Variants in NUP153 observed in about 807,000 individuals in gnomAD.
The protein encoded by NUP153 is nuclear pore complex protein Nup153.
In NUP153, 27 loss-of-function variants were observed where a neutral mutation model predicts 134.6. The observed-to-expected ratio is 0.20, with a 90% confidence interval of 0.15 to 0.28. NUP153 has a LOEUF of 0.28. Among genes scored for constraint, NUP153 ranks in the 10% least tolerant of loss-of-function variants. The probability of loss-of-function intolerance (pLI) is 1.00; values close to 1 mark genes in which losing one functional copy is unlikely to be tolerated. For synonymous variants in NUP153, 640 were observed against 623.5 expected, an observed-to-expected ratio of 1.03 and a Z score of -0.40; for missense variants, 1,821 against 1,731.3, an observed-to-expected ratio of 1.05 and a Z score of -0.92.
chr6:17,678,217 A>G (rs997633479), intron 2 of NUP153, among the ~76,000 whole-genome samples: 3 of 151,770 alleles, frequency 2.0e-5, no homozygotes, highest in African/African-American at 4.8e-5. Flanking sequence ...TTACCCGGGC[A>G]TGGTGGCACA....
intron 2 of NUP153, among the ~76,000 whole-genome samples, chr6:17,681,581 TCAAAA>T (rs1032027107): frequency 1.1e-4 from 16 of 152,006 alleles, no homozygotes; most frequent in African/African-American, 3.4e-4. Flanking sequence ...AGAACCTGTC[TCAAAA>T]CAAAACAAAA....
rs1041870666 is a variant in NUP153 at position 17,652,622 on chromosome 6, T to C, written c.1396-3322A>G. On this transcript the variant is annotated intron_variant, in intron 11 of 21. Transcript: ENST00000262077. ...AACATCTGCCAATCAAAAGATATCA[T>C]TAAGAAAATGAGTAGGCAAGCAACA... Among the ~76,000 whole-genome samples, 38 of 152,092 alleles carry C rather than the reference T, an allele frequency of 2.5e-4. 1 individual carries two copies. The highest frequency in any genetic ancestry group is 2.4e-4 in the Non-Finnish European group (16 of 68,014).
Position 17,680,137 on chromosome 6 carries a change from T to C in NUP153, c.335-4367A>G, listed in dbSNP as rs1021983747. ...TTGAGCCTCACCTCCACTGTTTCCC[T>C]TGCGCTCAAGCACAAGCCCTGAAAT... is the stretch of plus-strand genomic sequence containing the variant. On this transcript the variant is annotated intron_variant, in intron 2 of 21. Coordinates refer to ENST00000262077, the MANE Select transcript of NUP153 (RefSeq NM_005124.4). This position sits in a 1 kb window ranked among gnomAD's most constrained non-coding sequence, Gnocchi z 4.5. 6.6e-6 allele frequency among the ~76,000 whole-genome samples: 1 copy of C among 152,148 alleles called. No individual in the cohort carries two copies. Among genetic ancestry groups the C allele is most frequent in the Non-Finnish European group, 1.5e-5 (1 of 68,020 alleles).
chr6:17,670,513 C>T (rs891374644), intron 5 of NUP153, among the ~76,000 whole-genome samples: 1 of 152,162 alleles, frequency 6.6e-6, no homozygotes, highest in Non-Finnish European at 1.5e-5. Flanking sequence ...AATACCCTTT[C>T]CAATCTGCAT....
intron 8 of NUP153, 110 bp from the exon 9 acceptor site, chr6:17,665,495 G>T (rs1432390137): frequency 2.9e-5 from 23 of 783,248 alleles, no homozygotes; most frequent in Non-Finnish European, 4.5e-5. Flanking sequence ...ATTTCCCAGA[G>T]AAATATACAG....
intron 5 of NUP153, 144 bp from the exon 6 acceptor site, chr6:17,669,690 T>C (rs1350433942): frequency 4.1e-5 from 26 of 627,320 alleles, no homozygotes; most frequent in Non-Finnish European, 7.1e-5. Flanking sequence ...TTGGGTGGTA[T>C]CATTAAAAGT....
rs184753182 is a variant in NUP153, at chr6:17,631,036, G to C, written c.2660-1497C>G. On this transcript the variant is annotated intron_variant, in intron 17 of 21. Coordinates refer to ENST00000262077, the MANE Select transcript of NUP153 (RefSeq NM_005124.4). Reference sequence around the variant, plus strand: ...GCATGAATTAACAGCTACAGAAAGAGATAAAATGAACCAGAAAGCACAAAC... The same window carrying C: ...GCATGAATTAACAGCTACAGAAAGACATAAAATGAACCAGAAAGCACAAAC... Among the ~76,000 whole-genome samples the C allele has an allele frequency of 2.0e-5, 3 of 152,284 alleles. No homozygotes were observed. The East Asian group carries it at 5.8e-4, about 29-fold the overall frequency.
At position 17,692,932 on chromosome 6, in the gene NUP153, G is replaced by GA. The variant is rs575995485; in HGVS notation, c.112-4315dup. On this transcript the variant is annotated intron_variant, in intron 1 of 21. Transcript: ENST00000262077. ...GAAAGGCTTAATCTTCAGTTATCTA[G>GA]AAAAAATATACATGTGGAGCACTAG... Among the ~76,000 whole-genome samples, 78 of 152,170 alleles carry GA rather than the reference G, an allele frequency of 5.1e-4. No individual in the cohort carries two copies. In the East Asian group the frequency reaches 0.011, roughly 22 times the overall value.
intron 1 of NUP153, among the ~76,000 whole-genome samples, chr6:17,699,481 CAAAAAA>C (rs147055009): frequency 1.0e-5 from 1 of 97,562 alleles, no homozygotes; most frequent in Admixed American, 1.1e-4. Flanking sequence ...AGACTCGTCT[CAAAAAA>C]AAAAAAAAAA....
intron 1 of NUP153, among the ~76,000 whole-genome samples, chr6:17,705,879 C>T (rs978639826): frequency 6.6e-6 from 1 of 152,028 alleles, no homozygotes; most frequent in Non-Finnish European, 1.5e-5. Flanking sequence ...CACCAGAAAA[C>T]AGCAAGTATA....
Position 17,665,245 on chromosome 6 carries a change from C to A in NUP153, c.1209G>T (p.Lys403Asn), listed in dbSNP as rs1767456290. 2.5e-6 allele frequency: 4 copies of A among 1,602,608 alleles called. No homozygotes were observed. The African/African-American group carries it at 4.0e-5, about 16-fold the overall frequency. Residue 403 changes from lysine (K) to asparagine (N), a missense_variant, in exon 9 of 22, where the codon AAG becomes AAT. Transcript: ENST00000262077. ...FRKTNQRIDN[K>N]CSTGYEKNMT... ...GAAATATACATATACTCACACTGCA[C>A]TTGTTATCTATTCTTTGATTAGTCT... is the stretch of plus-strand genomic sequence containing the variant.
rs2113772771 is a variant in NUP153, at chr6:17,629,222, C to T, written c.2977G>A (p.Val993Ile). The T allele has an allele frequency of 6.2e-7, 1 of 1,613,586 alleles. No individual in the cohort carries two copies. Among genetic ancestry groups the T allele is most frequent in the East Asian group, 2.2e-5 (1 of 44,886 alleles). Residue 993 changes from valine to isoleucine, a missense_variant, in exon 18 of 22, where the codon GTT becomes ATT. By Grantham distance (29) the Val-to-Ile change is conservative. Transcript: ENST00000262077. Reference protein sequence around the residue: ...FGLSSGLSNPVSLTPFQFGVS... With the variant: ...FGLSSGLSNPISLTPFQFGVS... Reference sequence around the variant, plus strand: ...CCAAATTGAAATGGAGTTAAAGAAACTGGGTTGCTTAAACCAGAAGAAAGT... The same window carrying T: ...CCAAATTGAAATGGAGTTAAAGAAATTGGGTTGCTTAAACCAGAAGAAAGT...
chr6:17,639,426 C>T (rs1334176991), intron 15 of NUP153, among the ~76,000 whole-genome samples: 1 of 152,152 alleles, frequency 6.6e-6, no homozygotes, highest in African/African-American at 2.4e-5. Context: ...TATGAACATC[C>T]TGTTTTCAAA....
chr6:17,670,881 G>C (rs921800454), intron 5 of NUP153, among the ~76,000 whole-genome samples: 15 of 151,930 alleles, frequency 9.9e-5, no homozygotes, highest in African/African-American at 3.6e-4. Flanking sequence ...CACAATCTCG[G>C]CTCACTGCAA....
chr6:17,615,928 G>A lies in NUP153; in HGVS notation c.*169C>T, dbSNP rs973479866. Reference sequence around the variant, plus strand: ...TATTTATTTATTTAAAAAAGGGTGGGTGAGGCAGGGTGGGGCTTCTGTAAC... The same window carrying A: ...TATTTATTTATTTAAAAAAGGGTGGATGAGGCAGGGTGGGGCTTCTGTAAC... On this transcript the variant is annotated 3_prime_UTR_variant, in exon 22 of 22. Transcript: ENST00000262077. This position sits in a 1 kb window ranked among gnomAD's most constrained non-coding sequence, Gnocchi z 5.7. 27 of 516,466 alleles carry A rather than the reference G, an allele frequency of 5.2e-5. No homozygotes were observed. Among genetic ancestry groups the A allele is most frequent in the Middle Eastern group, 5.0e-4 (1 of 2,012 alleles). The allele number at this position is 516,466 out of a possible 1,614,324, so 32.0% of individuals were successfully genotyped here.
intron 2 of NUP153, among the ~76,000 whole-genome samples, chr6:17,677,318 T>C (rs1036397568): frequency 6.6e-6 from 1 of 151,732 alleles, no homozygotes; most frequent in Non-Finnish European, 1.5e-5. Flanking sequence ...CAGAGGAAGA[T>C]GACAGAACCA....
chr6:17,706,277 C>T lies in NUP153; in HGVS notation c.111G>A (p.Gln37=). The T allele has an allele frequency of 6.2e-7, 1 of 1,611,868 alleles. No homozygotes were observed. The highest frequency in any genetic ancestry group is 1.1e-5 in the South Asian group (1 of 91,044). The change falls in exon 1 of 22, where the codon CAG becomes CAA. Residue 37 remains glutamine, a splice_region_variant and synonymous_variant. Transcript: ENST00000262077. This position sits in a 1 kb window ranked among gnomAD's most constrained non-coding sequence, Gnocchi z 5.9. ...KPYQQGRQQH[Q]GILSRVTESV... ...CCACCGCGGCGTCGGGGTCCCATAC[C>T]TGATGCTGTTGTCGCCCCTGCTGGT...
intron 21 of NUP153, 76 bp from the exon 22 acceptor site, chr6:17,616,257 C>T (rs1764311835): frequency 1.4e-6 from 1 of 696,420 alleles, no homozygotes; most frequent in Non-Finnish European, 2.3e-6. Flanking sequence ...TTACCATGAG[C>T]AGCACAAGGG....
intron 11 of NUP153, among the ~76,000 whole-genome samples, chr6:17,655,149 T>C (rs1403802769): frequency 6.6e-6 from 1 of 152,232 alleles, no homozygotes; most frequent in Admixed American, 6.5e-5. Flanking sequence ...AAAAAACTCA[T>C]GGATTGATTG....
Sources: allele counts gnomAD v4.1 joint callset (sites outside exome capture counted in the v4.1 genomes callset), GRCh38; gene constraint gnomAD v4.1.1; non-coding constraint Gnocchi (gnomAD v3.1); transcripts MANE v1.5; gene names NCBI Gene and HGNC (gene_info 2026-07-23, HGNC 2026-07-21).